ZSCAN5A: variants seen among roughly 807,000 people sequenced by gnomAD.
The protein encoded by ZSCAN5A is zinc finger and SCAN domain containing 5A.
In ZSCAN5A, 12 loss-of-function variants were observed where a neutral mutation model predicts 23.7. That is an observed-to-expected ratio of 0.51 (90% CI 0.32 to 0.82). The LOEUF (loss-of-function observed/expected upper bound fraction) is 0.82, where lower values mean the gene tolerates loss of function less well. Among genes scored for constraint, ZSCAN5A ranks in the 40% least tolerant of loss-of-function variants. The pLI is 0.03. For missense variants in ZSCAN5A, 597 were observed against 617.9 expected (o/e 0.97, Z 0.36); for synonymous variants, 257 against 239.9 (o/e 1.07, Z -0.66).
intron 2 of ZSCAN5A, among the ~76,000 whole-genome samples, chr19:56,271,524 A>ATGAGGGGACCATGTGCT (rs1298256144): frequency 5.3e-5 from 8 of 152,168 alleles, no homozygotes; most frequent in Non-Finnish European, 1.0e-4. Context: ...CCATGTGCTC[A>ATGAGGGGACCATGTGCT]CAAAGGAGGG....
At chr19:56,329,513 G>C (rs1410079608) in intron 2 of ZSCAN5A, among the ~76,000 whole-genome samples, 2 of 151,870 alleles carry the variant, frequency 1.3e-5, no homozygotes, top group Admixed American at 1.3e-4. Flanking sequence ...ATATTCAATA[G>C]TCTATGTTTA....
chr19:56,302,474 T>C (rs1489284661), intron 2 of ZSCAN5A, among the ~76,000 whole-genome samples: 1 of 135,380 alleles, frequency 7.4e-6, no homozygotes, highest in Non-Finnish European at 1.6e-5. Context: ...CCTCCCTCCC[T>C]TCTTCCTTCC....
In ZSCAN5A at chr19:56,222,047, C is replaced by A. The variant is rs917909045; in HGVS notation, c.1019G>T (p.Ser340Ile). The A allele has an allele frequency of 6.2e-7, 1 of 1,614,224 alleles. No individual in the cohort carries two copies. The highest frequency in any genetic ancestry group is 1.3e-5 in the African/African-American group (1 of 75,050). The change falls in exon 6 of 6, where the codon AGC becomes ATC. Residue 340 changes from serine (S) to isoleucine (I), a missense_variant. This residue lies in a region of ZSCAN5A where 406 missense variants were observed against 353.2 expected (regional missense o/e 1.15). Transcript: ENST00000683990. ...MNSIHSPGPASPVSHPDGQEA... is the reference protein window; with the variant it reads ...MNSIHSPGPAIPVSHPDGQEA... ...TTGGCCATCCGGGTGACTGACTGGGCTCGCAGGGCCTGGGGAATGAATTGA... is the reference window on the plus strand; with the variant it reads ...TTGGCCATCCGGGTGACTGACTGGGATCGCAGGGCCTGGGGAATGAATTGA...
chr19:56,222,428 G>C (rs889938103), intron 5 of ZSCAN5A, 102 bp from the exon 6 acceptor site: 5 of 1,565,210 alleles, frequency 3.2e-6, no homozygotes, highest in African/African-American at 2.7e-5. Flanking sequence ...TTCCGCTCAA[G>C]CTCAAGCCTA....
chr19:56,246,592 C>G (rs571177499), intron 2 of ZSCAN5A: 1 of 665,912 alleles, frequency 1.5e-6, no homozygotes, highest in East Asian at 2.5e-5. Context: ...ATCCCTTACT[C>G]TCCAGAGACC....
chr19:56,224,798 G>A lies in ZSCAN5A; in HGVS notation c.249C>T (p.Ile83=). The A allele has an allele frequency of 6.2e-7, 1 of 1,610,818 alleles. No individual in the cohort carries two copies. Residue 83 remains isoleucine (I), a synonymous_variant, in exon 3 of 6, where the codon ATC becomes ATT. Coordinates refer to ENST00000683990, the MANE Select transcript of ZSCAN5A (RefSeq NM_001322064.3). ...ACTGCTCCATCACCAGCATGTCCAG[G>A]ATCTGCTCTTTGGTGTGGAGGTCGG... is the stretch of plus-strand genomic sequence containing the variant. ...LRPDLHTKEQ[I]LDMLVMEQFM...
rs141071964 is a variant in ZSCAN5A at position 56,222,293 on chromosome 19, G to A, written c.773C>T (p.Pro258Leu). The A allele has an allele frequency of 2.3e-5, 37 of 1,612,656 alleles. No homozygotes were observed. The African/African-American group carries it at 4.3e-4, about 19-fold the overall frequency. ...ATTTTCCACAGAGGCTATTTTTGGG[G>A]GGTCCTTCCCCTCCTTTGCTCTCAC... is the stretch of plus-strand genomic sequence containing the variant. ...DLVRAKEGKD[P>L]PKIASVENVD... The change falls in exon 6 of 6, where the codon CCC becomes CTC. Residue 258 changes from proline to leucine, a missense_variant. Pro to Leu is a moderately conservative substitution (Grantham distance 98, BLOSUM62 -3). Transcript: ENST00000683990.
chr19:56,264,646 A>G (rs975180347), intron 2 of ZSCAN5A, among the ~76,000 whole-genome samples: 4 of 152,342 alleles, frequency 2.6e-5, no homozygotes, highest in Non-Finnish European at 5.9e-5. Context: ...GTTCTATTGG[A>G]ACATAGCTAG....
intron 2 of ZSCAN5A, among the ~76,000 whole-genome samples, chr19:56,230,153 C>T (rs1453888679): frequency 6.6e-6 from 1 of 152,098 alleles, no homozygotes; most frequent in African/African-American, 2.4e-5. Flanking sequence ...GCTCTGTCAC[C>T]CAGGCTCACT....
intron 2 of ZSCAN5A, chr19:56,299,840 C>T (rs1208886754): frequency 1.9e-4 from 29 of 152,064 alleles, no homozygotes; most frequent in Admixed American, 1.9e-3. Flanking sequence ...ATGCAGAGTC[C>T]AGCGACACAG....
rs60256367 is a variant in ZSCAN5A at position 56,244,069 on chromosome 19, G to C, written c.-127-18896C>G. The C allele has an allele frequency of 3.8e-3, 4,320 of 1,143,128 alleles. 96 individuals carry two copies. The African/African-American group carries it at 0.058, about 15-fold the overall frequency. 70.8% of individuals were successfully genotyped at this position (1,143,128 alleles called of 1,614,324 possible). On this transcript the variant is annotated intron_variant, in intron 2 of 5. Transcript: ENST00000683990. The stretch of plus-strand genomic sequence containing the variant: ...TGGCTGCAAATTGCAACTCCTCATG[G>C]GGTCAGGGAGGACCCTGCAACAGCC...
At chr19:56,226,651 TAG>T (rs1407766798) in intron 2 of ZSCAN5A, among the ~76,000 whole-genome samples, 1 of 152,144 alleles carries the variant, frequency 6.6e-6, no homozygotes, top group Non-Finnish European at 1.5e-5. Flanking sequence ...GGAGACAGTA[TAG>T]AAGCTCCTCA....
rs532671197 is a variant in ZSCAN5A at position 56,284,763 on chromosome 19, C to T, written c.-128+28520G>A. 1.0e-3 allele frequency among the ~76,000 whole-genome samples: 159 copies of T among 152,186 alleles called. 1 individual carries two copies. The highest frequency in any genetic ancestry group is 3.6e-3 in the African/African-American group (150 of 41,536). ...TCCTGACCTCAGGTGATCCACCCACCTCAGCCCCCAAAGTGCTAGGATTAC... is the reference window on the plus strand; with the variant it reads ...TCCTGACCTCAGGTGATCCACCCACTTCAGCCCCCAAAGTGCTAGGATTAC... On this transcript the variant is annotated intron_variant, in intron 2 of 5. Transcript: ENST00000683990.
intron 2 of ZSCAN5A, chr19:56,363,213 G>C (rs1335049781): frequency 6.6e-6 from 1 of 152,182 alleles, no homozygotes; most frequent in Non-Finnish European, 1.5e-5. Flanking sequence ...TCTCTGAACA[G>C]CATCCTCTTA....
chr19:56,253,040 G>A (rs141217799), intron 2 of ZSCAN5A, among the ~76,000 whole-genome samples: 6 of 152,342 alleles, frequency 3.9e-5, no homozygotes, highest in Non-Finnish European at 8.8e-5. Flanking sequence ...AAGTTGCCAG[G>A]ACAGCTCCGT....
At chr19:56,229,438 C>T (rs2034266189) in intron 2 of ZSCAN5A, among the ~76,000 whole-genome samples, 1 of 152,194 alleles carries the variant, frequency 6.6e-6, no homozygotes, top group Admixed American at 6.5e-5. Context: ...CAATTATTTT[C>T]TGAGGCATGT....
At chr19:56,318,775 C>G (rs1309695581), upstream of ZSCAN5A, among the ~76,000 whole-genome samples, 1 of 152,186 alleles carries the variant, frequency 6.6e-6, no homozygotes, top group Non-Finnish European at 1.5e-5. Flanking sequence ...AAGCCAGAAA[C>G]TGAAGCAGAA....
chr19:56,288,199 T>A (rs1035720062), intron 2 of ZSCAN5A, among the ~76,000 whole-genome samples: 3 of 152,040 alleles, frequency 2.0e-5, no homozygotes, highest in Non-Finnish European at 4.4e-5. Flanking sequence ...CTCCAGATAC[T>A]CTCCAGCCAC....
intron 2 of ZSCAN5A, among the ~76,000 whole-genome samples, chr19:56,290,062 G>T (rs2039412012): frequency 6.6e-6 from 1 of 152,202 alleles, no homozygotes; most frequent in Admixed American, 6.5e-5. Flanking sequence ...ATAAAGAGTG[G>T]TTTCCCCAAA....
Sources: allele counts gnomAD v4.1 joint callset (sites outside exome capture counted in the v4.1 genomes callset), GRCh38; gene constraint gnomAD v4.1.1; regional missense constraint gnomAD v4.1.1; transcripts MANE v1.5; gene names NCBI Gene and HGNC (gene_info 2026-07-23, HGNC 2026-07-21).